The following LINGO2 variants were observed in gnomAD, a reference collection of about 807,000 sequenced individuals.
LINGO2 encodes leucine-rich repeat and immunoglobulin-like domain-containing nogo receptor-interacting protein 2.
A neutral mutation model predicts 30.6 loss-of-function variants in LINGO2; 14 were observed. The ratio of observed to expected loss-of-function variants is 0.46; its 90% CI spans 0.30 to 0.72. LINGO2 has a LOEUF of 0.72. Ranked by LOEUF, LINGO2 falls within the 30% of genes least tolerant of loss-of-function variation. LINGO2 has a pLI of 0.07. For synonymous variants in LINGO2, 317 were observed against 288.5 expected (o/e 1.10, Z -1.00); for missense variants, 729 against 751.7 (o/e 0.97, Z 0.35).
the LINGO2 span, among the ~76,000 whole-genome samples, chr9:28,898,465 G>T: frequency 6.6e-6 from 1 of 152,130 alleles, no homozygotes; most frequent in East Asian, 1.9e-4. Context: ...AAACTTCACA[G>T]CACTATTTGC....
the LINGO2 span, among the ~76,000 whole-genome samples, chr9:29,032,417 A>G: frequency 6.6e-6 from 1 of 152,160 alleles, no homozygotes; most frequent in Non-Finnish European, 1.5e-5. Context: ...AATTCAGATA[A>G]CTACTTTTTA....
At chr9:28,373,678 T>A (rs936834839) in intron 2 of LINGO2, among the ~76,000 whole-genome samples, 1 of 152,102 alleles carries the variant, frequency 6.6e-6, no homozygotes, top group Non-Finnish European at 1.5e-5. Context: ...GGCAGGTAGA[T>A]CACCTGAGGT....
chr9:28,194,476 G>A lies in LINGO2; in HGVS notation c.-87+100732C>T, dbSNP rs1038341201. Among the ~76,000 whole-genome samples, 12 of 150,156 alleles carry A rather than the reference G, an allele frequency of 8.0e-5. No individual in the cohort carries two copies. The South Asian group carries it at 1.0e-3, about 13-fold the overall frequency. On this transcript the variant is annotated intron_variant, in intron 4 of 5. Coordinates refer to ENST00000379992, the Ensembl canonical transcript of LINGO2. ...CAATTGTGGATCTGAGATTTGAAGA[G>A]CAGTCTGACTCCAGAGTACATTATC...
At chr9:28,574,111 T>G (rs1321074930) in intron 1 of LINGO2, among the ~76,000 whole-genome samples, 1 of 152,174 alleles carries the variant, frequency 6.6e-6, no homozygotes, top group Non-Finnish European at 1.5e-5. Flanking sequence ...TAATGTAACT[T>G]TCACTACAGA....
At chr9:29,127,945 C>T in the LINGO2 span, among the ~76,000 whole-genome samples, 1 of 152,068 alleles carries the variant, frequency 6.6e-6, no homozygotes, top group African/African-American at 2.4e-5. Flanking sequence ...ATTTGACCTC[C>T]CTTCTCCTAC....
chr9:28,466,715 T>C, intron 2 of LINGO2, among the ~76,000 whole-genome samples: 1 of 152,244 alleles, frequency 6.6e-6, no homozygotes, highest in Admixed American at 6.5e-5. Flanking sequence ...ACCCCATAAA[T>C]ATATATACCT....
At chr9:29,150,859 C>A in the LINGO2 span, among the ~76,000 whole-genome samples, 1 of 152,146 alleles carries the variant, frequency 6.6e-6, no homozygotes, top group East Asian at 1.9e-4. Flanking sequence ...AATTTTTCCA[C>A]TCTCCCTAGA....
chr9:28,512,355 A>C (rs1820422838), intron 1 of LINGO2, among the ~76,000 whole-genome samples: 1 of 151,712 alleles, frequency 6.6e-6, no homozygotes, highest in East Asian at 2.0e-4. Context: ...AAAATCCTAG[A>C]GGCCTCCGCT....
At chr9:28,911,565 ATTAT>A in the LINGO2 span, among the ~76,000 whole-genome samples, 1 of 152,110 alleles carries the variant, frequency 6.6e-6, no homozygotes, top group Non-Finnish European at 1.5e-5. Context: ...ATTATTTATC[ATTAT>A]TTATACATCA....
chr9:28,575,913 T>C (rs1428771825), intron 1 of LINGO2, among the ~76,000 whole-genome samples: 1 of 129,200 alleles, frequency 7.7e-6, no homozygotes, highest in Non-Finnish European at 1.7e-5. Flanking sequence ...ATAATTATCC[T>C]CTTAGCCTTG....
chr9:28,558,360 A>C (rs994062525), intron 1 of LINGO2, among the ~76,000 whole-genome samples: 1 of 151,840 alleles, frequency 6.6e-6, no homozygotes, highest in South Asian at 2.1e-4. Flanking sequence ...TGTAGATCTC[A>C]ATAAGAGGGG....
intron 2 of LINGO2, among the ~76,000 whole-genome samples, chr9:28,383,249 A>G (rs887376263): frequency 9.9e-6 from 1 of 100,950 alleles, no homozygotes; most frequent in Non-Finnish European, 2.0e-5. Context: ...ATAGATCACC[A>G]TTCATTGTGT....
the LINGO2 span, among the ~76,000 whole-genome samples, chr9:28,917,258 A>C: frequency 0.92 from 139,472 of 152,162 alleles, 64,026 homozygotes; most frequent in Non-Finnish European, 0.94. Flanking sequence ...ACCCTAAGAT[A>C]TCCAACTATG....
At chr9:28,124,979 T>C (rs1348190989) in intron 4 of LINGO2, among the ~76,000 whole-genome samples, 2 of 152,186 alleles carry the variant, frequency 1.3e-5, no homozygotes, top group Non-Finnish European at 2.9e-5. Context: ...TAGAATGAGA[T>C]AGATACCCAT....
intron 2 of LINGO2, among the ~76,000 whole-genome samples, chr9:28,387,509 G>T (rs1241776492): frequency 6.6e-6 from 1 of 152,162 alleles, no homozygotes; most frequent in African/African-American, 2.4e-5. Flanking sequence ...CGTTGTAGAA[G>T]CCTTTTTCTT....
chr9:28,707,779 G>C, the LINGO2 span, among the ~76,000 whole-genome samples: 2 of 152,136 alleles, frequency 1.3e-5, no homozygotes, highest in South Asian at 4.1e-4. Flanking sequence ...AAGGGTGGGA[G>C]GAAGAAGTAG....
the LINGO2 span, among the ~76,000 whole-genome samples, chr9:28,884,971 A>ATAT: frequency 1.3e-4 from 2 of 15,480 alleles, no homozygotes; most frequent in African/African-American, 5.0e-4. Context: ...TTATATATAT[A>ATAT]ATATATATAA....
chr9:28,001,479 A>C (rs557270738), intron 5 of LINGO2, among the ~76,000 whole-genome samples: 135 of 152,352 alleles, frequency 8.9e-4, no homozygotes, highest in African/African-American at 3.1e-3. Flanking sequence ...TAAGAAAACT[A>C]AGGCCCAGAA....
intron 4 of LINGO2, among the ~76,000 whole-genome samples, chr9:28,227,785 T>C (rs998779336): frequency 6.6e-6 from 1 of 152,062 alleles, no homozygotes; most frequent in African/African-American, 2.4e-5. Context: ...GTGAGCAATA[T>C]GAATGCCTAG....
Sources: gnomAD v4.1 joint callset for allele counts (sites outside exome capture counted in the v4.1 genomes callset) on GRCh38, gnomAD v4.1.1 for gene constraint, MANE v1.5 for transcripts, NCBI Gene and HGNC (gene_info 2026-07-23, HGNC 2026-07-21) for gene names.